GPR149: variants seen among roughly 807,000 people sequenced by gnomAD.
GPR149 encodes the protein probable G protein-coupled receptor 149.
In GPR149, 50 loss-of-function variants were observed where a neutral mutation model predicts 50.2. The observed-to-expected ratio is 1.00, with a 90% CI of 0.79 to 1.26. The LOEUF (loss-of-function observed/expected upper bound fraction) is 1.26, where lower values mean the gene tolerates loss of function less well. GPR149 is among the 50% of genes most tolerant of loss of function. The pLI is 0.00. For synonymous variants in GPR149, 405 were observed against 358.2 expected (o/e 1.13, Z -1.48); for missense variants, 983 against 895.4 (o/e 1.10, Z -1.25).
chr3:154,416,947 G>T (rs2108426997), intron 3 of GPR149, among the ~76,000 whole-genome samples: 1 of 152,022 alleles, frequency 6.6e-6, no homozygotes, highest in Non-Finnish European at 1.5e-5. Context: ...AAATGAGTGA[G>T]TTTCTGGAAC....
intron 3 of GPR149, among the ~76,000 whole-genome samples, chr3:154,388,136 T>C (rs1273390042): frequency 5.9e-5 from 9 of 152,196 alleles, no homozygotes. Context: ...TTTCAGGTTA[T>C]TTTGGAAAAG....
chr3:154,346,954 G>T (rs1254839042), intron 3 of GPR149, among the ~76,000 whole-genome samples: 1 of 152,086 alleles, frequency 6.6e-6, no homozygotes, highest in East Asian at 1.9e-4. Flanking sequence ...TTTTAGGATT[G>T]ATATCCATCC....
At chr3:154,377,549 T>G (rs1714822590) in intron 3 of GPR149, among the ~76,000 whole-genome samples, 2 of 151,920 alleles carry the variant, frequency 1.3e-5, no homozygotes, top group South Asian at 4.1e-4. Flanking sequence ...GTATTTGTAG[T>G]GGAGACGGTG....
Position 154,429,640 on chromosome 3 carries a change from C to T in GPR149, c.-25G>A. The stretch of plus-strand genomic sequence containing the variant: ...TTGTCCTTGGTCAATATTTAATTTC[C>T]CTTATCAATGAGTCTGATAATTTTC... On this transcript the variant is annotated 5_prime_UTR_variant, in exon 1 of 4. Transcript: ENST00000389740. 1.9e-6 allele frequency: 3 copies of T among 1,583,458 alleles called. No individual in the cohort carries two copies. The highest frequency in any genetic ancestry group is 1.4e-5 in the African/African-American group (1 of 73,844).
At chr3:154,386,901 T>A (rs1437685709) in intron 3 of GPR149, among the ~76,000 whole-genome samples, 1 of 152,200 alleles carries the variant, frequency 6.6e-6, no homozygotes, top group Non-Finnish European at 1.5e-5. Flanking sequence ...AATGTATGTA[T>A]TTCCCTCCTA....
At chr3:154,408,749 C>T (rs1429185284) in intron 3 of GPR149, among the ~76,000 whole-genome samples, 2 of 152,186 alleles carry the variant, frequency 1.3e-5, no homozygotes, top group Non-Finnish European at 2.9e-5. Flanking sequence ...TCTCTATCTG[C>T]CTTGGTAGTC....
At position 154,401,931 on chromosome 3, in the gene GPR149, T is replaced by A. The variant is rs116714707; in HGVS notation, c.1623+19108A>T. Among the ~76,000 whole-genome samples, 1,144 of 151,812 alleles carry A rather than the reference T, an allele frequency of 7.5e-3. 19 individuals carry two copies. The highest frequency in any genetic ancestry group is 0.026 in the African/African-American group (1,089 of 41,394). ...GGAAACCTATGTTTAAATCAAAAGG[T>A]CAAAATAAGGAATAGGCCCACTTCT... is the stretch of plus-strand genomic sequence containing the variant. On this transcript the variant is annotated intron_variant, in intron 3 of 3. Transcript: ENST00000389740.
chr3:154,396,412 G>T (rs1715294262), intron 3 of GPR149, among the ~76,000 whole-genome samples: 1 of 151,950 alleles, frequency 6.6e-6, no homozygotes. Context: ...GCAATGGGAG[G>T]CTTAAAATGT....
chr3:154,419,245 C>T (rs147037095), intron 3 of GPR149, among the ~76,000 whole-genome samples: 21 of 151,914 alleles, frequency 1.4e-4, no homozygotes, highest in East Asian at 5.8e-4. Flanking sequence ...TTTTAATTTT[C>T]GATTTAAAGA....
At chr3:154,417,683 G>T (rs1712026072) in intron 3 of GPR149, among the ~76,000 whole-genome samples, 1 of 151,992 alleles carries the variant, frequency 6.6e-6, no homozygotes, top group Non-Finnish European at 1.5e-5. Flanking sequence ...ACAGTTTAAT[G>T]CATCACTATA....
Position 154,428,652 on chromosome 3 carries a change from G to A in GPR149, c.964C>T (p.Leu322Phe). The A allele has an allele frequency of 6.2e-7, 1 of 1,612,796 alleles. No homozygotes were observed. Residue 322 changes from leucine to phenylalanine, a missense_variant, in exon 1 of 4, where the codon CTT (leucine) becomes TTT (phenylalanine). Physicochemically the swap from Leu to Phe is conservative, Grantham distance 22. Transcript: ENST00000389740. The stretch of plus-strand genomic sequence containing the variant: ...ACTTTTACCATCATGGGCAGCCAAA[G>A]GACGACTTTTGTAAGCGCTAGGATC... Reference protein sequence around the residue: ...ALILALTKVVLWLPMMMHMVV... With the variant: ...ALILALTKVVFWLPMMMHMVV...
Position 154,338,270 on chromosome 3 carries a change from C to A in GPR149, c.1625G>T (p.Arg542Leu). 2 of 1,533,730 alleles carry A rather than the reference C, an allele frequency of 1.3e-6. No homozygotes were observed. The highest frequency in any genetic ancestry group is 1.3e-5 in the South Asian group (1 of 77,720). The change falls in exon 4 of 4, where the codon CGT becomes CTT. Residue 542 changes from arginine to leucine, a missense_variant and splice_region_variant. By Grantham distance (102) the Arg-to-Leu change is moderately radical. Transcript: ENST00000389740. ...RSKSERTPRQRSGYALAIPLC... is the reference protein window; with the variant it reads ...RSKSERTPRQLSGYALAIPLC... The stretch of plus-strand genomic sequence containing the variant: ...GGGAATGGCAAGGGCATAACCGGAA[C>A]GCTGGGGACAAAAACAAAATTGTTA...
chr3:154,352,087 A>C, intron 3 of GPR149: 1 of 569,758 alleles, frequency 1.8e-6, no homozygotes. Flanking sequence ...AATATACATA[A>C]TTAGGCACAA....
intron 3 of GPR149, among the ~76,000 whole-genome samples, chr3:154,412,179 T>C (rs1711855176): frequency 6.6e-6 from 1 of 151,906 alleles, no homozygotes; most frequent in South Asian, 2.1e-4. Flanking sequence ...CTCAGCAAAA[T>C]CAGCATAGAA....
At position 154,429,556 on chromosome 3, in the gene GPR149, A is replaced by T; in HGVS notation, c.60T>A (p.His20Gln). ...GCGGATTTAAAAGGTCCGTAGAATT[A>T]TGATTCTCTTTCCACAGGCTAGAGT... ...TNDSSLWKEN[H>Q]NSTDLLNPPG... Residue 20 changes from histidine to glutamine, a missense_variant, in exon 1 of 4, where the codon CAT becomes CAA. Physicochemically the swap from His to Gln is conservative, Grantham distance 24. Transcript: ENST00000389740. The T allele has an allele frequency of 6.2e-7, 1 of 1,613,976 alleles. No individual in the cohort carries two copies. The highest frequency in any genetic ancestry group is 8.5e-7 in the Non-Finnish European group (1 of 1,179,824).
At chr3:154,361,898 C>A (rs2108395637) in intron 3 of GPR149, among the ~76,000 whole-genome samples, 1 of 152,196 alleles carries the variant, frequency 6.6e-6, no homozygotes, top group South Asian at 2.1e-4. Flanking sequence ...CAAATACAAG[C>A]AGAGCTTATT....
At chr3:154,381,981 T>C (rs1160700139) in intron 3 of GPR149, among the ~76,000 whole-genome samples, 1 of 152,210 alleles carries the variant, frequency 6.6e-6, no homozygotes, top group Non-Finnish European at 1.5e-5. Flanking sequence ...ACTTCTATCA[T>C]ACCCTAAATG....
intron 3 of GPR149, among the ~76,000 whole-genome samples, chr3:154,387,786 G>A (rs1559982102): frequency 6.6e-6 from 1 of 152,016 alleles, no homozygotes; most frequent in Non-Finnish European, 1.5e-5. Context: ...TCTCCAGAGT[G>A]CTAAAAAATC....
intron 3 of GPR149, among the ~76,000 whole-genome samples, chr3:154,381,846 A>G (rs1403073648): frequency 6.6e-6 from 1 of 152,064 alleles, no homozygotes; most frequent in East Asian, 1.9e-4. Flanking sequence ...AAAATATGTT[A>G]TTACTTCCTA....
Sources: gnomAD v4.1 joint callset for allele counts (sites outside exome capture counted in the v4.1 genomes callset) on GRCh38, gnomAD v4.1.1 for gene constraint, MANE v1.5 for transcripts, NCBI Gene and HGNC (gene_info 2026-07-23, HGNC 2026-07-21) for gene names.